MAGI2: variants seen among roughly 807,000 people sequenced by gnomAD.
MAGI2 encodes membrane associated guanylate kinase, WW and PDZ domain containing 2.
In MAGI2, 35 loss-of-function variants were observed where a neutral mutation model predicts 133.3. That is an observed-to-expected ratio of 0.26 (90% CI 0.20 to 0.35). The LOEUF is 0.35. Among genes scored for constraint, MAGI2 ranks in the 10% least tolerant of loss-of-function variants. The pLI, the probability that MAGI2 is intolerant of heterozygous loss-of-function variation, is 1.00. For synonymous variants in MAGI2, 729 were observed against 710.6 expected, an observed-to-expected ratio of 1.03 and a Z score of -0.41; for missense variants, 1,636 against 1,863.4, an observed-to-expected ratio of 0.88 and a Z score of 2.25.
chr7:78,429,640 TA>T (rs781562273), intron 6 of MAGI2, among the ~76,000 whole-genome samples: 31 of 152,110 alleles, frequency 2.0e-4, no homozygotes, highest in Non-Finnish European at 3.2e-4. Flanking sequence ...TAAATGCCAT[TA>T]TTCAAGACGT....
At chr7:78,915,851 A>G (rs981883792) in intron 2 of MAGI2, among the ~76,000 whole-genome samples, 10 of 151,962 alleles carry the variant, frequency 6.6e-5, no homozygotes, top group Non-Finnish European at 1.5e-4. Flanking sequence ...GACTGCTTTT[A>G]CATAAGGTCA....
intron 20 of MAGI2, among the ~76,000 whole-genome samples, chr7:78,090,598 A>T (rs1160971531): frequency 6.6e-6 from 1 of 152,208 alleles, no homozygotes; most frequent in Non-Finnish European, 1.5e-5. Context: ...ATGAATAAGT[A>T]AATGCTATCT....
At chr7:78,126,514 C>A (rs1214932694) in intron 19 of MAGI2, among the ~76,000 whole-genome samples, 1 of 152,136 alleles carries the variant, frequency 6.6e-6, no homozygotes, top group Non-Finnish European at 1.5e-5. Context: ...TTTCTAGATA[C>A]CAAACTCTGG....
At chr7:78,555,375 A>T (rs532076080) in intron 3 of MAGI2, among the ~76,000 whole-genome samples, 2 of 152,238 alleles carry the variant, frequency 1.3e-5, no homozygotes, top group Admixed American at 1.3e-4. Context: ...GCCCAAGTAC[A>T]TATCAAATTT....
intron 2 of MAGI2, among the ~76,000 whole-genome samples, chr7:78,650,361 CTA>C (rs1233844985): frequency 6.6e-6 from 1 of 152,122 alleles, no homozygotes; most frequent in Non-Finnish European, 1.5e-5. Context: ...GCATCCAGGG[CTA>C]TAGAATGGGT....
chr7:78,288,277 A>G, intron 9 of MAGI2, among the ~76,000 whole-genome samples: 1 of 152,208 alleles, frequency 6.6e-6, no homozygotes, highest in Admixed American at 6.5e-5. Context: ...CTACATGAAA[A>G]ATAATATTTA....
intron 1 of MAGI2, among the ~76,000 whole-genome samples, chr7:79,363,393 A>G (rs1397975653): frequency 6.7e-6 from 1 of 148,848 alleles, no homozygotes; most frequent in African/African-American, 2.5e-5. Flanking sequence ...GACTCAACAT[A>G]GTAAGAATAT....
At chr7:78,258,992 C>T (rs1393537017) in intron 9 of MAGI2, among the ~76,000 whole-genome samples, 1 of 152,124 alleles carries the variant, frequency 6.6e-6, no homozygotes, top group African/African-American at 2.4e-5. Context: ...ACACTCTGAT[C>T]GGTAGTGTGT....
intron 6 of MAGI2, among the ~76,000 whole-genome samples, chr7:78,431,786 G>C (rs1263788780): frequency 6.6e-6 from 1 of 151,938 alleles, no homozygotes; most frequent in African/African-American, 2.4e-5. Flanking sequence ...AAGTTCTTAA[G>C]CAGACTAGCA....
At chr7:79,123,701 G>A (rs370090576) in intron 1 of MAGI2, among the ~76,000 whole-genome samples, 3 of 141,192 alleles carry the variant, frequency 2.1e-5, no homozygotes, top group East Asian at 4.3e-4. Context: ...CAGGAGAATC[G>A]CTTGAACCCG....
chr7:79,227,672 A>G (rs1487057875), intron 1 of MAGI2, among the ~76,000 whole-genome samples: 2 of 152,200 alleles, frequency 1.3e-5, no homozygotes, highest in Admixed American at 6.5e-5. Context: ...ATATAGGTGT[A>G]TCCTAAATCT....
chr7:78,090,465 A>C (rs968001987), intron 20 of MAGI2, among the ~76,000 whole-genome samples: 2 of 151,742 alleles, frequency 1.3e-5, no homozygotes, highest in African/African-American at 4.8e-5. Flanking sequence ...TCTTTGGGGG[A>C]GGTGAGGGTG....
At chr7:78,280,191 C>G (rs1795428904) in intron 9 of MAGI2, among the ~76,000 whole-genome samples, 1 of 152,114 alleles carries the variant, frequency 6.6e-6, no homozygotes, top group Non-Finnish European at 1.5e-5. Flanking sequence ...AGGTGGCACT[C>G]ATGGCATGGG....
intron 1 of MAGI2, among the ~76,000 whole-genome samples, chr7:79,255,312 G>T (rs1254404478): frequency 6.6e-6 from 1 of 152,144 alleles, no homozygotes; most frequent in African/African-American, 2.4e-5. Context: ...GAAAGGTACA[G>T]TTTTGACTGA....
chr7:78,093,514 G>A (rs996154377), intron 20 of MAGI2, among the ~76,000 whole-genome samples: 1 of 151,940 alleles, frequency 6.6e-6, no homozygotes, highest in Admixed American at 6.6e-5. Context: ...CCTAACATAT[G>A]TAGAATATTT....
intron 10 of MAGI2, among the ~76,000 whole-genome samples, chr7:78,235,578 C>T (rs1014540278): frequency 1.3e-5 from 2 of 152,154 alleles, no homozygotes; most frequent in African/African-American, 4.8e-5. Context: ...GCACTTCTCT[C>T]TCCTGCTGCC....
intron 1 of MAGI2, among the ~76,000 whole-genome samples, chr7:79,054,957 A>T (rs1473047801): frequency 6.6e-6 from 1 of 151,948 alleles, no homozygotes; most frequent in Non-Finnish European, 1.5e-5. Flanking sequence ...TGACCAGCTA[A>T]TTTTTTTGCA....
chr7:78,865,247 TAGA>T (rs1794463404), intron 2 of MAGI2, among the ~76,000 whole-genome samples: 1 of 151,814 alleles, frequency 6.6e-6, no homozygotes. Flanking sequence ...TTCCACAGAG[TAGA>T]AGAAAAGGAC....
At chr7:79,087,802 T>C (rs1347111604) in intron 1 of MAGI2, among the ~76,000 whole-genome samples, 1 of 152,026 alleles carries the variant, frequency 6.6e-6, no homozygotes, top group Non-Finnish European at 1.5e-5. Flanking sequence ...GATCAGATGG[T>C]TGTAGATGTG....
Sources: allele counts gnomAD v4.1 joint callset (sites outside exome capture counted in the v4.1 genomes callset), GRCh38; gene constraint gnomAD v4.1.1; transcripts MANE v1.5; gene names NCBI Gene and HGNC (gene_info 2026-07-23, HGNC 2026-07-21).